Variants in IGF1R observed in about 807,000 individuals in gnomAD.
The protein encoded by IGF1R is insulin like growth factor 1 receptor.
In IGF1R, 44 loss-of-function variants were observed where a neutral mutation model predicts 144.6. The observed-to-expected ratio is 0.30, with a 90% confidence interval of 0.24 to 0.39. The LOEUF is 0.39. Ranked by LOEUF, IGF1R falls within the 10% of genes least tolerant of loss-of-function variation. The pLI is 1.00. For missense variants in IGF1R, 1,355 were observed against 1,833.7 expected, an observed-to-expected ratio of 0.74 and a Z score of 4.77; for synonymous variants, 795 against 722.8, an observed-to-expected ratio of 1.10 and a Z score of -1.60.
At chr15:98,784,175 G>A (rs914848479) in intron 2 of IGF1R, among the ~76,000 whole-genome samples, 3 of 151,752 alleles carry the variant, frequency 2.0e-5, no homozygotes, top group East Asian at 1.9e-4. Flanking sequence ...GAGTTTCACC[G>A]TGTTGACCAG....
At chr15:98,851,354 TTTG>T (rs1041884146) in intron 2 of IGF1R, among the ~76,000 whole-genome samples, 36 of 152,258 alleles carry the variant, frequency 2.4e-4, no homozygotes, top group African/African-American at 8.4e-4. Context: ...GCAAGGAGCT[TTTG>T]TTTACGTTTT....
intron 20 of IGF1R, 93 bp from the exon 21 acceptor site, chr15:98,956,968 T>G: frequency 2.2e-6 from 3 of 1,386,226 alleles, no homozygotes; most frequent in Non-Finnish European, 3.1e-6. Context: ...GCCGTACGCT[T>G]GTATGCGGGA....
chr15:98,748,629 G>C (rs974429816), intron 2 of IGF1R, among the ~76,000 whole-genome samples: 11 of 152,182 alleles, frequency 7.2e-5, no homozygotes, highest in Admixed American at 2.0e-4. Flanking sequence ...TGGAAAATTA[G>C]AAAACTGTAG....
chr15:98,716,563 A>G (rs1349176360), intron 2 of IGF1R, among the ~76,000 whole-genome samples: 1 of 152,218 alleles, frequency 6.6e-6, no homozygotes, highest in African/African-American at 2.4e-5. Context: ...GGATGTTACA[A>G]TGAGAGCTGG....
chr15:98,870,790 G>A (rs1425468300), intron 2 of IGF1R, among the ~76,000 whole-genome samples: 1 of 152,224 alleles, frequency 6.6e-6, no homozygotes, highest in Non-Finnish European at 1.5e-5. Flanking sequence ...GGGTCAGAGA[G>A]GGGAAATCTG....
chr15:98,960,319 T>C lies in IGF1R; in HGVS notation c.*2877T>C, dbSNP rs2151743806. On this transcript the variant is annotated 3_prime_UTR_variant, in exon 21 of 21. Transcript: ENST00000650285. ...TTTTTTGTTTTGTTTTCTATCTTGG[T>C]TTCCACCAAGGTGTTAGATTTCTCC... 1 of 233,242 alleles carries C rather than the reference T, an allele frequency of 4.3e-6. No homozygotes were observed. The highest frequency in any genetic ancestry group is 2.2e-5 in the African/African-American group (1 of 45,468). The allele number at this position is 233,242 out of a possible 1,614,324, so 14.4% of individuals were successfully genotyped here. A position where few individuals can be genotyped will look rare whatever the true frequency, so the allele number is the denominator to read the frequency against.
rs187500965 is a variant in IGF1R at position 98,916,169 on chromosome 15, C to T, written c.1996+38C>T. 8.5e-4 allele frequency: 1,364 copies of T among 1,603,548 alleles called. 1 individual carries two copies. Among genetic ancestry groups the T allele is most frequent in the Non-Finnish European group, 1.1e-3 (1,235 of 1,170,950 alleles). On this transcript the variant is annotated intron_variant, in intron 9 of 20. Coordinates refer to ENST00000650285, the MANE Select transcript of IGF1R (RefSeq NM_000875.5). ...CAGCGGCCTGGACGGAGGGTGTGAC[C>T]GTTCATTCCTGTGGTTGTAATGTGC...
intron 1 of IGF1R, among the ~76,000 whole-genome samples, chr15:98,657,980 C>G (rs1242128995): frequency 6.6e-6 from 1 of 152,202 alleles, no homozygotes; most frequent in Non-Finnish European, 1.5e-5. Flanking sequence ...GAACCAGTTC[C>G]TGTACCATTC....
At chr15:98,816,831 A>G (rs2056704818) in intron 2 of IGF1R, among the ~76,000 whole-genome samples, 1 of 152,178 alleles carries the variant, frequency 6.6e-6, no homozygotes, top group African/African-American at 2.4e-5. Flanking sequence ...TCTTGGGGCA[A>G]GGCACATTCT....
intron 2 of IGF1R, among the ~76,000 whole-genome samples, chr15:98,841,329 A>T (rs999601362): frequency 6.6e-6 from 1 of 152,200 alleles, no homozygotes; most frequent in Non-Finnish European, 1.5e-5. Flanking sequence ...CCTTGGTCAA[A>T]TTACTTAACC....
chr15:98,923,271 G>A (rs537034088), intron 11 of IGF1R, among the ~76,000 whole-genome samples: 1 of 152,398 alleles, frequency 6.6e-6, no homozygotes. Flanking sequence ...AGCCGCTGGA[G>A]GAGTTGGTGC....
At chr15:98,929,198 G>A in intron 13 of IGF1R, among the ~76,000 whole-genome samples, 1 of 152,096 alleles carries the variant, frequency 6.6e-6, no homozygotes, top group East Asian at 1.9e-4. Context: ...CCAAACCCTG[G>A]AACATTCTGT....
rs111308770 is a variant in IGF1R at position 98,909,542 on chromosome 15, A to G, written c.1462+643A>G. Among the ~76,000 whole-genome samples the G allele has an allele frequency of 7.4e-3, 1,129 of 152,124 alleles. 6 individuals carry two copies. The highest frequency in any genetic ancestry group is 0.018 in the South Asian group (85 of 4,826). On this transcript the variant is annotated intron_variant, in intron 6 of 20. Coordinates refer to ENST00000650285, the MANE Select transcript of IGF1R (RefSeq NM_000875.5). The stretch of plus-strand genomic sequence containing the variant: ...CCAAAGTGCTGGGATTACAGGCTTG[A>G]GCCACCATGCCCTGTCCGATTATTT...
In IGF1R at chr15:98,964,201, G is replaced by A. The variant is rs955492041; in HGVS notation, c.*6759G>A. Reference sequence around the variant, plus strand: ...AATAATGCATTTTCTGAGTTTTCTTGTTAAAAAAAAATTTTTTTAAGTAAG... The same window carrying A: ...AATAATGCATTTTCTGAGTTTTCTTATTAAAAAAAAATTTTTTTAAGTAAG... On this transcript the variant is annotated 3_prime_UTR_variant, in exon 21 of 21. Coordinates refer to ENST00000650285, the MANE Select transcript of IGF1R (RefSeq NM_000875.5). The A allele has an allele frequency of 4.3e-6, 1 of 230,272 alleles. No individual in the cohort carries two copies. The highest frequency in any genetic ancestry group is 8.6e-6 in the Non-Finnish European group (1 of 116,806). 14.3% of individuals were successfully genotyped at this position (230,272 alleles called of 1,614,324 possible).
intron 2 of IGF1R, among the ~76,000 whole-genome samples, chr15:98,813,369 C>T (rs751421340): frequency 6.6e-6 from 1 of 152,154 alleles, no homozygotes; most frequent in African/African-American, 2.4e-5. Flanking sequence ...CTTAATCACC[C>T]TAGGGCCAGA....
intron 1 of IGF1R, among the ~76,000 whole-genome samples, chr15:98,689,307 C>G (rs1253695565): frequency 1.4e-5 from 2 of 143,474 alleles, no homozygotes; most frequent in Non-Finnish European, 3.0e-5. Context: ...GGCGTGATCT[C>G]AGCTCACTGC....
chr15:98,661,956 CTTTTTTTTTTTT>C lies in IGF1R; in HGVS notation c.94+12296_94+12307del, dbSNP rs869208651. On this transcript the variant is annotated intron_variant, in intron 1 of 20. Coordinates refer to ENST00000650285, the MANE Select transcript of IGF1R (RefSeq NM_000875.5). ...GAATTGCTGCCAGTTGAATAGGGCC[CTTTTTTTTTTTT>C]TTTTTTTTTTTTTTGAGACAGTCTT... 1.2e-3 allele frequency among the ~76,000 whole-genome samples: 130 copies of C among 105,720 alleles called. 3 individuals carry two copies. The East Asian group carries it at 0.023, about 18-fold the overall frequency. 69.4% of individuals were successfully genotyped at this position (105,720 alleles called of 152,430 possible).
At chr15:98,837,730 A>C (rs1008612557) in intron 2 of IGF1R, among the ~76,000 whole-genome samples, 1 of 152,016 alleles carries the variant, frequency 6.6e-6, no homozygotes, top group Non-Finnish European at 1.5e-5. Context: ...GCAATTTTCT[A>C]TCTTATTGTC....
intron 2 of IGF1R, among the ~76,000 whole-genome samples, chr15:98,836,684 T>C (rs1222070034): frequency 6.6e-6 from 1 of 152,202 alleles, no homozygotes; most frequent in Admixed American, 6.5e-5. Context: ...ACTAATATCC[T>C]TTTTCAGTCC....
Sources: allele counts gnomAD v4.1 joint callset (sites outside exome capture counted in the v4.1 genomes callset), GRCh38; gene constraint gnomAD v4.1.1; transcripts MANE v1.5; gene names NCBI Gene and HGNC (gene_info 2026-07-23, HGNC 2026-07-21).